The following PSD3 variants were observed in gnomAD, a reference collection of about 807,000 sequenced individuals.
The protein encoded by PSD3 is PH and SEC7 domain-containing protein 3.
A neutral mutation model predicts 105.5 loss-of-function variants in PSD3; 49 were observed. The ratio of observed to expected loss-of-function variants is 0.46; its 90% CI spans 0.37 to 0.59. The LOEUF is 0.59. PSD3 is among the 20% of genes least tolerant of loss of function. The pLI, the probability that PSD3 is intolerant of heterozygous loss-of-function variation, is 0.00. For missense variants in PSD3, 1,561 were observed against 1,263.8 expected (o/e 1.24, Z -3.57); for synonymous variants, 557 against 457.8 (o/e 1.22, Z -2.77).
At chr8:18,842,720 G>A (rs1436495169) in intron 4 of PSD3, among the ~76,000 whole-genome samples, 1 of 147,930 alleles carries the variant, frequency 6.8e-6, no homozygotes. Flanking sequence ...GCGACAAAGC[G>A]AGACTCCGTC....
chr8:18,906,983 C>T (rs1326414666), intron 2 of PSD3, among the ~76,000 whole-genome samples: 4 of 151,980 alleles, frequency 2.6e-5, no homozygotes, highest in Admixed American at 6.5e-5. Context: ...AAAACTAAAA[C>T]ATTATTAAAA....
At chr8:18,674,479 AC>A (rs1433575629) in intron 9 of PSD3, among the ~76,000 whole-genome samples, 1 of 152,196 alleles carries the variant, frequency 6.6e-6, no homozygotes, top group Non-Finnish European at 1.5e-5. Flanking sequence ...TACGAATCCT[AC>A]TGTCATTTTA....
intron 2 of PSD3, among the ~76,000 whole-genome samples, chr8:18,898,559 T>C (rs1819298637): frequency 6.6e-6 from 1 of 151,716 alleles, no homozygotes; most frequent in Non-Finnish European, 1.5e-5. Flanking sequence ...CACATAACTT[T>C]TGACTCTCCA....
intron 9 of PSD3, among the ~76,000 whole-genome samples, chr8:18,762,335 G>A (rs1806608661): frequency 1.3e-5 from 2 of 152,118 alleles, no homozygotes; most frequent in Non-Finnish European, 1.5e-5. Flanking sequence ...ACGATTTTAG[G>A]TTTCCTGAGG....
At chr8:18,711,188 T>G (rs112546999) in intron 9 of PSD3, among the ~76,000 whole-genome samples, 2 of 152,134 alleles carry the variant, frequency 1.3e-5, no homozygotes, top group Admixed American at 6.5e-5. Context: ...AAAAACATAC[T>G]GAAGTACACA....
At chr8:18,941,254 A>T (rs1032035551) in intron 1 of PSD3, among the ~76,000 whole-genome samples, 4 of 152,220 alleles carry the variant, frequency 2.6e-5, no homozygotes, top group Non-Finnish European at 5.9e-5. Context: ...AGGTGATCAG[A>T]CTTAAATCTC....
At chr8:18,955,226 C>T (rs1823491824) in intron 1 of PSD3, among the ~76,000 whole-genome samples, 1 of 152,112 alleles carries the variant, frequency 6.6e-6, no homozygotes, top group Admixed American at 6.6e-5. Context: ...ACACTAGACA[C>T]CTGATATACA....
At chr8:18,922,774 A>T (rs1254231450) in intron 2 of PSD3, among the ~76,000 whole-genome samples, 3 of 152,168 alleles carry the variant, frequency 2.0e-5, no homozygotes, top group African/African-American at 7.2e-5. Flanking sequence ...AAATCAGCTC[A>T]CAGAACACAG....
At position 18,530,186 on chromosome 8, in the gene PSD3, A is replaced by G. The variant is rs573350109; in HGVS notation, c.*5557T>C. 6.5e-6 allele frequency: 1 copy of G among 152,782 alleles called. No individual in the cohort carries two copies. The highest frequency in any genetic ancestry group is 1.9e-4 in the East Asian group (1 of 5,186). The allele number at this position is 152,782 out of a possible 1,614,324, so 9.5% of individuals were successfully genotyped here. A position where few individuals can be genotyped will look rare whatever the true frequency, so the allele number is the denominator to read the frequency against. On this transcript the variant is annotated 3_prime_UTR_variant, in exon 16 of 16. Coordinates refer to ENST00000327040, the MANE Select transcript of PSD3 (RefSeq NM_015310.4). ...AAATATACCAAACATGCTGGTTAAT[A>G]AAATTTTAGTCTCTAGTTACCTATT...
chr8:18,875,115 C>T (rs545511944), intron 2 of PSD3, among the ~76,000 whole-genome samples: 3 of 152,262 alleles, frequency 2.0e-5, no homozygotes, highest in African/African-American at 7.2e-5. Context: ...GATGGGGTCT[C>T]ACTGTGTTGC....
At chr8:18,798,990 C>G (rs1810437437) in intron 8 of PSD3, among the ~76,000 whole-genome samples, 1 of 152,044 alleles carries the variant, frequency 6.6e-6, no homozygotes, top group African/African-American at 2.4e-5. Flanking sequence ...AACTGTAATT[C>G]TCAACCAGAA....
intron 14 of PSD3, among the ~76,000 whole-genome samples, chr8:18,562,198 G>C (rs1801433498): frequency 6.6e-6 from 1 of 152,174 alleles, no homozygotes; most frequent in Non-Finnish European, 1.5e-5. Context: ...AGCCACAGTG[G>C]CTGCCACCAG....
chr8:18,913,464 C>T (rs1379524440), intron 2 of PSD3, among the ~76,000 whole-genome samples: 2 of 152,144 alleles, frequency 1.3e-5, no homozygotes, highest in African/African-American at 2.4e-5. Context: ...TTCAGACCTG[C>T]ACCCACAGAC....
chr8:19,083,303 A>T (rs1829701359), intron 1 of PSD3, among the ~76,000 whole-genome samples: 1 of 152,216 alleles, frequency 6.6e-6, no homozygotes. Context: ...AGAACAGTGC[A>T]CCTGAGCTGG....
intron 4 of PSD3, among the ~76,000 whole-genome samples, chr8:18,842,301 T>C (rs1009310597): frequency 6.6e-6 from 1 of 152,212 alleles, no homozygotes; most frequent in African/African-American, 2.4e-5. Flanking sequence ...TACATGGCAT[T>C]TTATAACCCT....
chr8:18,726,287 G>T (rs1803329772), intron 9 of PSD3, among the ~76,000 whole-genome samples: 1 of 152,184 alleles, frequency 6.6e-6, no homozygotes, highest in Admixed American at 6.5e-5. Flanking sequence ...GTAATAAGCA[G>T]CCAGAGACAT....
rs1225332162 is a variant in PSD3 at position 18,910,546 on chromosome 8, A to C, written c.130+25488T>G. On this transcript the variant is annotated intron_variant, in intron 2 of 15. Transcript: ENST00000327040. ...AGATATACCTAATGCTAGATGACAC[A>C]TTAGTGGGTGCAGCGCACCAGCATG... 3.7e-4 allele frequency among the ~76,000 whole-genome samples: 45 copies of C among 122,262 alleles called. 1 individual carries two copies. Among genetic ancestry groups the C allele is most frequent in the Admixed American group, 1.2e-3 (14 of 11,576 alleles). The allele number at this position is 122,262 out of a possible 152,430, so 80.2% of individuals were successfully genotyped here.
chr8:19,031,604 C>T (rs564321965), intron 1 of PSD3, among the ~76,000 whole-genome samples: 1 of 152,232 alleles, frequency 6.6e-6, no homozygotes, highest in South Asian at 2.1e-4. Context: ...GTTCCCTTCC[C>T]TCCCAACAAA....
chr8:19,016,932 A>G (rs1827196504), upstream of PSD3, among the ~76,000 whole-genome samples: 1 of 151,484 alleles, frequency 6.6e-6, no homozygotes, highest in Non-Finnish European at 1.5e-5. Context: ...TGACCCAATC[A>G]CCTCTTAAAG....
Sources: allele counts gnomAD v4.1 joint callset (sites outside exome capture counted in the v4.1 genomes callset), GRCh38; gene constraint gnomAD v4.1.1; transcripts MANE v1.5; gene names NCBI Gene and HGNC (gene_info 2026-07-23, HGNC 2026-07-21).